The following TBXAS1 variants were observed in gnomAD, a reference collection of about 807,000 sequenced individuals.
The protein encoded by TBXAS1 is thromboxane A synthase 1.
A neutral mutation model predicts 60.7 loss-of-function variants in TBXAS1; 48 were observed. That is an observed-to-expected ratio of 0.79 (90% CI 0.63 to 1.01). The LOEUF is 1.01. Among genes scored for constraint, TBXAS1 ranks in the 50% least tolerant of loss-of-function variants. TBXAS1 has a pLI of 0.00. For missense variants in TBXAS1, 685 were observed against 686.3 expected (o/e 1.00, Z 0.02); for synonymous variants, 287 against 269.7 (o/e 1.06, Z -0.63).
intron 4 of TBXAS1, among the ~76,000 whole-genome samples, chr7:139,788,174 T>C (rs1029384885): frequency 6.6e-6 from 1 of 152,172 alleles, no homozygotes; most frequent in Non-Finnish European, 1.5e-5. Context: ...AGGTTTAAGA[T>C]TAATGAAAAT....
In TBXAS1 at chr7:139,938,258, G is replaced by T. The variant is rs117862585; in HGVS notation, c.450+1951G>T. 5.6e-3 allele frequency among the ~76,000 whole-genome samples: 857 copies of T among 152,258 alleles called. 8 individuals carry two copies. Among genetic ancestry groups the T allele is most frequent in the Non-Finnish European group, 8.4e-3 (568 of 68,008 alleles). On this transcript the variant is annotated intron_variant, in intron 5 of 12. Coordinates refer to ENST00000448866, the MANE Select transcript of TBXAS1 (RefSeq NM_001061.7). Reference sequence around the variant, plus strand: ...TTAGATGCAGCGGTTGGCCAGTGGGGCCCACCGGGATCACTTGGGGGGCTT... The same window carrying T: ...TTAGATGCAGCGGTTGGCCAGTGGGTCCCACCGGGATCACTTGGGGGGCTT...
At position 139,778,649 on chromosome 7, in the gene TBXAS1, A is replaced by C. The variant is rs2117207559; in HGVS notation, c.-318+178A>C. Among the ~76,000 whole-genome samples, 1 of 151,428 alleles carries C rather than the reference A, an allele frequency of 6.6e-6. No individual in the cohort carries two copies. Among genetic ancestry groups the C allele is most frequent in the South Asian group, 2.1e-4 (1 of 4,772 alleles). On this transcript the variant is annotated intron_variant, in intron 1 of 16. Transcript: ENST00000336425. The surrounding 1 kb of genome is among the most constrained non-coding windows in gnomAD (Gnocchi z 4.8). Reference sequence around the variant, plus strand: ...GGGTTCCTGCCGGAGTCTGGCTTCCACGCCACCCTGATCTTCTCCTCCTCG... The same window carrying C: ...GGGTTCCTGCCGGAGTCTGGCTTCCCCGCCACCCTGATCTTCTCCTCCTCG...
In TBXAS1 at chr7:139,934,257, C is replaced by T. The variant is rs188517389; in HGVS notation, c.334-1934C>T. On this transcript the variant is annotated intron_variant, in intron 4 of 12. Coordinates refer to ENST00000448866, the MANE Select transcript of TBXAS1 (RefSeq NM_001061.7). ...AGGCTGGAGTGCAGTTGTGTGATCT[C>T]GGCTCACTGCAACCTCCGTCTCCCA... 7.6e-4 allele frequency among the ~76,000 whole-genome samples: 115 copies of T among 150,798 alleles called. 1 individual carries two copies. The highest frequency in any genetic ancestry group is 2.5e-3 in the African/African-American group (104 of 41,020).
chr7:139,971,429 T>C (rs1170533648), intron 9 of TBXAS1, among the ~76,000 whole-genome samples: 1 of 152,110 alleles, frequency 6.6e-6, no homozygotes, highest in Non-Finnish European at 1.5e-5. Flanking sequence ...GACCAATCGA[T>C]CTGGATCAGG....
chr7:139,827,816 C>T (rs1227993135), upstream of TBXAS1, among the ~76,000 whole-genome samples: 2 of 152,236 alleles, frequency 1.3e-5, no homozygotes, highest in Admixed American at 1.3e-4. Context: ...GCCCCAATCC[C>T]TTCCAGCTTG....
intron 4 of TBXAS1, among the ~76,000 whole-genome samples, chr7:139,810,387 AG>A (rs1797995594): frequency 2.0e-5 from 3 of 152,172 alleles, no homozygotes; most frequent in African/African-American, 7.2e-5. Flanking sequence ...CCAGGAAATC[AG>A]AGTAGTCCAC....
At chr7:139,875,262 G>T (rs980866869) in intron 2 of TBXAS1, among the ~76,000 whole-genome samples, 5 of 152,160 alleles carry the variant, frequency 3.3e-5, no homozygotes, top group Non-Finnish European at 5.9e-5. Context: ...GCAGTAAAAA[G>T]GGCTATATGA....
intron 3 of TBXAS1, among the ~76,000 whole-genome samples, chr7:139,901,951 A>G (rs1240802564): frequency 1.3e-5 from 2 of 152,008 alleles, no homozygotes; most frequent in Non-Finnish European, 2.9e-5. Flanking sequence ...TAATTTTGAA[A>G]TAATTATAGA....
At chr7:139,798,442 G>A (rs1032416850) in intron 4 of TBXAS1, among the ~76,000 whole-genome samples, 2 of 152,158 alleles carry the variant, frequency 1.3e-5, no homozygotes. Flanking sequence ...GTTATTAACT[G>A]CCTAACATAT....
chr7:139,870,640 G>A (rs1057289002), intron 1 of TBXAS1, among the ~76,000 whole-genome samples: 1 of 152,202 alleles, frequency 6.6e-6, no homozygotes, highest in Admixed American at 6.5e-5. Context: ...AGTGTGGTTT[G>A]TAATCACACT....
At chr7:139,947,438 G>A (rs1808817689) in intron 5 of TBXAS1, among the ~76,000 whole-genome samples, 3 of 152,156 alleles carry the variant, frequency 2.0e-5, no homozygotes, top group South Asian at 4.1e-4. Context: ...AAGAGCATCA[G>A]GATAAATAGC....
intron 5 of TBXAS1, 73 bp from the exon 6 acceptor site, chr7:139,953,295 C>T: frequency 1.6e-6 from 2 of 1,251,738 alleles, no homozygotes; most frequent in Non-Finnish European, 2.4e-6. Context: ...TACATATAAC[C>T]TCTTCATCTG....
Position 139,778,965 on chromosome 7 carries a change from C to T in TBXAS1, c.-318+494C>T, listed in dbSNP as rs60526073. On this transcript the variant is annotated intron_variant, in intron 1 of 16. Coordinates refer to the TBXAS1 transcript ENST00000336425. This position sits in a 1 kb window ranked among gnomAD's most constrained non-coding sequence, Gnocchi z 4.8. Reference sequence around the variant, plus strand: ...GTAATAGATCATAAAATAAATGCAGCGGAAGGCAACCAGCTTTCAAAAAGA... The same window carrying T: ...GTAATAGATCATAAAATAAATGCAGTGGAAGGCAACCAGCTTTCAAAAAGA... 0.1 allele frequency among the ~76,000 whole-genome samples: 15,169 copies of T among 152,090 alleles called. 2,510 individuals are homozygous for T. Among genetic ancestry groups the T allele is most frequent in the African/African-American group, 0.35 (14,369 of 41,398 alleles).
At chr7:139,928,379 G>T (rs1458006732) in intron 4 of TBXAS1, among the ~76,000 whole-genome samples, 1 of 152,106 alleles carries the variant, frequency 6.6e-6, no homozygotes, top group Non-Finnish European at 1.5e-5. Context: ...CTAATATTTT[G>T]TTTACGACTT....
chr7:139,952,164 G>A (rs1360400133), intron 5 of TBXAS1, among the ~76,000 whole-genome samples: 1 of 152,190 alleles, frequency 6.6e-6, no homozygotes, highest in Non-Finnish European at 1.5e-5. Context: ...GTTAGACGAA[G>A]TCAGATTTTG....
At chr7:140,014,743 G>A (rs904491460) in intron 10 of TBXAS1, among the ~76,000 whole-genome samples, 3 of 151,806 alleles carry the variant, frequency 2.0e-5, no homozygotes, top group African/African-American at 7.3e-5. Flanking sequence ...ACCACCCCCC[G>A]TCTCTACTAA....
At chr7:139,832,627 G>T (rs1023489362) in intron 1 of TBXAS1, among the ~76,000 whole-genome samples, 4 of 152,172 alleles carry the variant, frequency 2.6e-5, no homozygotes, top group African/African-American at 9.7e-5. Flanking sequence ...GAAATTCATC[G>T]CAAAAAGATC....
intron 1 of TBXAS1, among the ~76,000 whole-genome samples, chr7:139,847,412 C>G (rs1003005080): frequency 6.6e-6 from 1 of 152,180 alleles, no homozygotes; most frequent in Admixed American, 6.5e-5. Flanking sequence ...TTCCTGCTCA[C>G]TCTCATCCAA....
intron 1 of TBXAS1, among the ~76,000 whole-genome samples, chr7:139,839,824 C>T (rs936138679): frequency 3.3e-5 from 5 of 151,594 alleles, no homozygotes; most frequent in South Asian, 2.1e-4. Flanking sequence ...CCACTACACT[C>T]GCACTCCAGC....
Sources: gnomAD v4.1 joint callset for allele counts (sites outside exome capture counted in the v4.1 genomes callset) on GRCh38, gnomAD v4.1.1 for gene constraint, Gnocchi (gnomAD v3.1) non-coding constraint, MANE v1.5 for transcripts, NCBI Gene and HGNC (gene_info 2026-07-23, HGNC 2026-07-21) for gene names.